Variants in RIMS1 observed in about 807,000 individuals in gnomAD.
RIMS1 encodes the protein regulating synaptic membrane exocytosis protein 1.
In RIMS1, 83 loss-of-function variants were observed where a neutral mutation model predicts 214.1. The ratio of observed to expected loss-of-function variants is 0.39; its 90% CI spans 0.32 to 0.47. The LOEUF is 0.47. Among genes scored for constraint, RIMS1 ranks in the 20% least tolerant of loss-of-function variants. RIMS1 has a pLI of 0.99. For synonymous variants in RIMS1, 793 were observed against 786.8 expected (o/e 1.01, Z -0.13); for missense variants, 2,050 against 2,161.8 (o/e 0.95, Z 1.03).
intron 1 of RIMS1, among the ~76,000 whole-genome samples, chr6:71,915,443 G>C (rs969944978): frequency 2.0e-5 from 3 of 152,136 alleles, no homozygotes. Context: ...GGTGGTCCAA[G>C]CTATTTTCTG....
At chr6:72,031,825 T>C (rs546141) in intron 2 of RIMS1, among the ~76,000 whole-genome samples, 118,940 of 152,068 alleles carry the variant, frequency 0.78, 47,322 homozygotes, top group African/African-American at 0.94. Context: ...ATTAGATGCA[T>C]AGCAATATAC....
chr6:72,164,525 C>G (rs1432955495), intron 4 of RIMS1, among the ~76,000 whole-genome samples: 1 of 152,212 alleles, frequency 6.6e-6, no homozygotes, highest in African/African-American at 2.4e-5. Flanking sequence ...ATTTAGCCAT[C>G]TTGGCTCCAC....
At chr6:72,076,415 G>C (rs903203149) in intron 2 of RIMS1, among the ~76,000 whole-genome samples, 8 of 152,210 alleles carry the variant, frequency 5.3e-5, no homozygotes, top group Middle Eastern at 3.4e-3. Flanking sequence ...AGAGGGAGAG[G>C]GTTCTGGTTT....
At chr6:72,006,592 A>G (rs1382411613) in intron 2 of RIMS1, among the ~76,000 whole-genome samples, 1 of 152,196 alleles carries the variant, frequency 6.6e-6, no homozygotes. Flanking sequence ...AAGGGGTGAC[A>G]GATGGCACCT....
At chr6:72,319,733 G>C (rs548470607) in intron 28 of RIMS1, among the ~76,000 whole-genome samples, 1 of 151,198 alleles carries the variant, frequency 6.6e-6, no homozygotes, top group Non-Finnish European at 1.5e-5. Context: ...CATCTTATAC[G>C]CAGGTGCCGT....
intron 2 of RIMS1, among the ~76,000 whole-genome samples, chr6:72,070,077 C>G (rs531751327): frequency 2.3e-4 from 35 of 152,186 alleles, no homozygotes; most frequent in African/African-American, 7.0e-4. Context: ...ATATTATTCT[C>G]TTATATTAAT....
At chr6:72,053,720 T>C (rs1825355218) in intron 2 of RIMS1, among the ~76,000 whole-genome samples, 1 of 152,130 alleles carries the variant, frequency 6.6e-6, no homozygotes, top group African/African-American at 2.4e-5. Flanking sequence ...AAGGAAATAA[T>C]GCTTTTGAAT....
intron 2 of RIMS1, among the ~76,000 whole-genome samples, chr6:72,039,538 T>C (rs926109850): frequency 1.3e-5 from 2 of 152,026 alleles, no homozygotes; most frequent in African/African-American, 2.4e-5. Flanking sequence ...TGTTAAAATA[T>C]TGAAACACTT....
At chr6:72,080,884 T>C (rs1305564917) in intron 2 of RIMS1, among the ~76,000 whole-genome samples, 1 of 152,212 alleles carries the variant, frequency 6.6e-6, no homozygotes, top group African/African-American at 2.4e-5. Context: ...TAACAAAACA[T>C]TACTTAGCAT....
intron 2 of RIMS1, among the ~76,000 whole-genome samples, chr6:72,077,000 G>A (rs1209314306): frequency 6.6e-6 from 1 of 152,146 alleles, no homozygotes; most frequent in Non-Finnish European, 1.5e-5. Context: ...AGGCCTTCTT[G>A]ACTTCATGTA....
chr6:72,284,826 C>T (rs1168516637), intron 24 of RIMS1, among the ~76,000 whole-genome samples: 3 of 152,092 alleles, frequency 2.0e-5, no homozygotes. Flanking sequence ...AGTATCATAG[C>T]TTTCATTATA....
At chr6:72,384,433 A>G (rs1368366156) in intron 29 of RIMS1, among the ~76,000 whole-genome samples, 1 of 152,182 alleles carries the variant, frequency 6.6e-6, no homozygotes, top group East Asian at 1.9e-4. Context: ...GAAGCCAAGC[A>G]CTGTGGTCAC....
intron 2 of RIMS1, among the ~76,000 whole-genome samples, chr6:72,008,127 G>A (rs1027365032): frequency 7.2e-5 from 11 of 152,284 alleles, no homozygotes; most frequent in Admixed American, 4.6e-4. Context: ...CTGATCTCTC[G>A]GCAGAAACTC....
At chr6:72,274,297 T>G in intron 22 of RIMS1, 52 bp from the exon 23 acceptor site, 5 of 1,258,902 alleles carry the variant, frequency 4.0e-6, no homozygotes, top group Non-Finnish European at 5.8e-6. Context: ...TCTTTTATTT[T>G]AGGAGTTACT....
Position 72,179,792 on chromosome 6 carries a change from A to G in RIMS1, c.689A>G (p.Gln230Arg). The G allele has an allele frequency of 6.2e-7, 1 of 1,613,750 alleles. No homozygotes were observed. The highest frequency in any genetic ancestry group is 1.1e-5 in the South Asian group (1 of 91,076). The change falls in exon 5 of 34, where the codon CAG becomes CGG. Residue 230 changes from glutamine to arginine, a missense_variant. Gln to Arg is a conservative substitution (Grantham distance 43). This residue lies in a region of RIMS1 where 882 missense variants were observed against 828.9 expected (regional missense o/e 1.06). Coordinates refer to ENST00000521978, the MANE Select transcript of RIMS1 (RefSeq NM_014989.7). Reference protein sequence around the residue: ...TPLSTAAASSQDAAPPSAPPD... With the variant: ...TPLSTAAASSRDAAPPSAPPD... Reference sequence around the variant, plus strand: ...CTAAGCACAGCAGCTGCCTCCTCCCAGGATGCTGCTCCTCCCAGCGCACCA... The same window carrying G: ...CTAAGCACAGCAGCTGCCTCCTCCCGGGATGCTGCTCCTCCCAGCGCACCA...
At chr6:72,059,236 A>T (rs1340509120) in intron 2 of RIMS1, among the ~76,000 whole-genome samples, 3 of 152,034 alleles carry the variant, frequency 2.0e-5, no homozygotes, top group Non-Finnish European at 4.4e-5. Context: ...TTTTATTTTT[A>T]ATTTTTTTGA....
At chr6:72,037,818 G>T (rs1254979653) in intron 2 of RIMS1, among the ~76,000 whole-genome samples, 1 of 151,570 alleles carries the variant, frequency 6.6e-6, no homozygotes, top group Non-Finnish European at 1.5e-5. Flanking sequence ...ATTTTTGGTT[G>T]ATTTGAGAGA....
intron 6 of RIMS1, among the ~76,000 whole-genome samples, chr6:72,192,795 C>A (rs1156549629): frequency 2.0e-5 from 3 of 152,124 alleles, no homozygotes; most frequent in African/African-American, 7.2e-5. Context: ...AAGGCTAAGC[C>A]AGTCTAGTCT....
intron 29 of RIMS1, among the ~76,000 whole-genome samples, chr6:72,351,543 C>T (rs1207773349): frequency 6.6e-6 from 1 of 152,160 alleles, no homozygotes; most frequent in African/African-American, 2.4e-5. Flanking sequence ...ACACAGGACC[C>T]TGACAATTGG....
Sources: gnomAD v4.1 joint callset for allele counts (sites outside exome capture counted in the v4.1 genomes callset) on GRCh38, gnomAD v4.1.1 for gene constraint, gnomAD v4.1.1 regional missense constraint, MANE v1.5 for transcripts, NCBI Gene and HGNC (gene_info 2026-07-23, HGNC 2026-07-21) for gene names.